FKBP1B: variants seen among roughly 807,000 people sequenced by gnomAD.
FKBP1B encodes peptidyl-prolyl cis-trans isomerase FKBP1B.
In FKBP1B, 4 loss-of-function variants were observed where a neutral mutation model predicts 13.5. The ratio of observed to expected loss-of-function variants is 0.30; its 90% CI spans 0.15 to 0.68. The LOEUF is 0.68. Ranked by LOEUF, FKBP1B falls within the 30% of genes least tolerant of loss-of-function variation. FKBP1B has a pLI of 0.76. For missense variants in FKBP1B, 93 were observed against 136.2 expected, an observed-to-expected ratio of 0.68 and a Z score of 1.58; for synonymous variants, 54 against 53.6, an observed-to-expected ratio of 1.01 and a Z score of -0.03.
At chr2:24,052,932 T>G (rs1663946523) in intron 1 of FKBP1B, among the ~76,000 whole-genome samples, 1 of 152,146 alleles carries the variant, frequency 6.6e-6, no homozygotes, top group South Asian at 2.1e-4. Context: ...GAGATCATGC[T>G]GTTGCACTCC....
At chr2:24,048,762 T>C (rs1341587119), upstream of FKBP1B, among the ~76,000 whole-genome samples, 1 of 152,146 alleles carries the variant, frequency 6.6e-6, no homozygotes, top group African/African-American at 2.4e-5. Flanking sequence ...TATTTTTTGG[T>C]GGAGGAGGAA....
At chr2:24,061,443 G>C (rs1380007186) in intron 3 of FKBP1B, among the ~76,000 whole-genome samples, 2 of 152,176 alleles carry the variant, frequency 1.3e-5, no homozygotes, top group African/African-American at 4.8e-5. Flanking sequence ...GATGGAGTGA[G>C]ACTGTCTCAA....
At chr2:24,062,379 ATG>A (rs1664433575) in intron 3 of FKBP1B, among the ~76,000 whole-genome samples, 1 of 151,770 alleles carries the variant, frequency 6.6e-6, no homozygotes, top group African/African-American at 2.4e-5. Context: ...GGGTCTCACC[ATG>A]TTTGCCAGGC....
At chr2:24,043,277 G>A in the FKBP1B span, among the ~76,000 whole-genome samples, 3 of 152,218 alleles carry the variant, frequency 2.0e-5, no homozygotes, top group South Asian at 2.1e-4. Context: ...CAGATGTTAC[G>A]GTAAGCCAAG....
upstream of FKBP1B, among the ~76,000 whole-genome samples, chr2:24,044,773 C>A (rs1663558306): frequency 6.7e-6 from 1 of 148,458 alleles, no homozygotes. Context: ...TCTCTACTTT[C>A]CAAATGAGCC....
intron 2 of FKBP1B, among the ~76,000 whole-genome samples, chr2:24,056,550 G>A (rs1427094919): frequency 6.6e-6 from 1 of 152,022 alleles, no homozygotes; most frequent in Non-Finnish European, 1.5e-5. Flanking sequence ...CACCATGTTG[G>A]CCAGGCTGGT....
At chr2:24,047,366 T>C (rs1663661547), upstream of FKBP1B, 1 of 151,862 alleles carries the variant, frequency 6.6e-6, no homozygotes, top group South Asian at 2.1e-4. Context: ...CCGCCCAACA[T>C]CACGCCGCCG....
the FKBP1B span, chr2:24,037,579 A>G: frequency 2.0e-5 from 26 of 1,308,478 alleles, no homozygotes; most frequent in Non-Finnish European, 2.6e-5. Flanking sequence ...AGTGAAGCTC[A>G]GTTAGAGCAC....
At chr2:24,042,535 C>CAAAAAAAAAAAAAAAAAA in the FKBP1B span, among the ~76,000 whole-genome samples, 1 of 61,582 alleles carries the variant, frequency 1.6e-5, no homozygotes. Flanking sequence ...TACTCCGTCT[C>CAAAAAAAAAAAAAAAAAA]AAAAAAAAAA....
intron 1 of FKBP1B, among the ~76,000 whole-genome samples, chr2:24,051,497 CACTA>C (rs1339492577): frequency 6.6e-6 from 1 of 152,170 alleles, no homozygotes; most frequent in Non-Finnish European, 1.5e-5. Context: ...CTAAGCCCAC[CACTA>C]ACTTTTTCCT....
the FKBP1B span, among the ~76,000 whole-genome samples, chr2:24,042,403 G>A: frequency 2.1e-4 from 32 of 152,042 alleles, no homozygotes; most frequent in African/African-American, 7.7e-4. Flanking sequence ...AGGTGTGTTG[G>A]CGGGCGCCTG....
chr2:24,058,675 T>A (rs1211885751), intron 2 of FKBP1B, among the ~76,000 whole-genome samples: 2 of 152,242 alleles, frequency 1.3e-5, no homozygotes, highest in African/African-American at 4.8e-5. Context: ...TGTGTGAATG[T>A]ATGTAGATCT....
At chr2:24,034,842 T>C in the FKBP1B span, among the ~76,000 whole-genome samples, 1 of 152,162 alleles carries the variant, frequency 6.6e-6, no homozygotes, top group Non-Finnish European at 1.5e-5. Flanking sequence ...CCCAAAGTTC[T>C]GGGGTTACAG....
At chr2:24,034,794 C>G in the FKBP1B span, among the ~76,000 whole-genome samples, 1 of 151,860 alleles carries the variant, frequency 6.6e-6, no homozygotes, top group Non-Finnish European at 1.5e-5. Context: ...AGGCTGGTCT[C>G]GAACTCCTGG....
intron 2 of FKBP1B, among the ~76,000 whole-genome samples, chr2:24,059,372 T>TGGGGGGG (rs71395181): frequency 1.4e-5 from 2 of 144,474 alleles, no homozygotes; most frequent in Non-Finnish European, 3.0e-5. Flanking sequence ...GACCAGCACC[T>TGGGGGGG]GGGGGGGGGT....
the FKBP1B span, among the ~76,000 whole-genome samples, chr2:24,036,094 A>AAATAAAT: frequency 2.0e-5 from 3 of 149,944 alleles, no homozygotes; most frequent in Non-Finnish European, 4.4e-5. Context: ...ATAAATAAAT[A>AAATAAAT]AATAAATAAA....
At chr2:24,049,526 G>T (rs13413450), upstream of FKBP1B, 33,727 of 289,254 alleles carry the variant, frequency 0.12, 2,386 homozygotes, top group South Asian at 0.18. Flanking sequence ...CGAATGAATG[G>T]ATGGATGGAG....
chr2:24,062,935 A>G, intron 3 of FKBP1B, 129 bp from the exon 4 acceptor site: 1 of 1,384,282 alleles, frequency 7.2e-7, no homozygotes, highest in East Asian at 2.4e-5. Flanking sequence ...TCCCATGTAA[A>G]ATTCATCTGA....
chr2:24,037,904 G>T, the FKBP1B span: 122 of 1,613,996 alleles, frequency 7.6e-5, no homozygotes, highest in Admixed American at 1.3e-4. Flanking sequence ...GTGTGGTCTG[G>T]TGTGCTGCTG....
Sources: allele counts gnomAD v4.1 joint callset (sites outside exome capture counted in the v4.1 genomes callset), GRCh38; gene constraint gnomAD v4.1.1; transcripts MANE v1.5; gene names NCBI Gene and HGNC (gene_info 2026-07-23, HGNC 2026-07-21).